The following CSMD2 variants were observed in gnomAD, a reference collection of about 807,000 sequenced individuals.
CSMD2 encodes CUB and Sushi multiple domains 2, also known as CUB and sushi domain-containing protein 2.
Under a neutral mutation model 398.5 loss-of-function variants are expected in CSMD2, and 130 were observed. That is an observed-to-expected ratio of 0.33 (90% CI 0.28 to 0.38). The LOEUF is 0.38. Ranked by LOEUF, CSMD2 falls within the 10% of genes least tolerant of loss-of-function variation. CSMD2 has a pLI of 1.00. For synonymous variants in CSMD2, 1,828 were observed against 1,908.5 expected (o/e 0.96, Z 1.10); for missense variants, 3,829 against 4,764.9 (o/e 0.80, Z 5.78).
chr1:34,049,356 G>A (rs1449226542), intron 2 of CSMD2, among the ~76,000 whole-genome samples: 2 of 152,140 alleles, frequency 1.3e-5, no homozygotes, highest in Non-Finnish European at 2.9e-5. Flanking sequence ...TAACTCTGCT[G>A]CAGCTTCTAG....
chr1:33,531,920 A>C (rs1394768212), intron 64 of CSMD2, among the ~76,000 whole-genome samples: 1 of 152,224 alleles, frequency 6.6e-6, no homozygotes, highest in East Asian at 1.9e-4. Context: ...TATCATAAAC[A>C]TAACTAATGC....
intron 12 of CSMD2, among the ~76,000 whole-genome samples, chr1:33,773,819 G>A (rs954115438): frequency 1.4e-4 from 22 of 152,230 alleles, no homozygotes; most frequent in African/African-American, 5.3e-4. Context: ...GTCATCAGGG[G>A]AGTTTTTTGG....
intron 49 of CSMD2, among the ~76,000 whole-genome samples, chr1:33,576,079 T>C (rs974542554): frequency 6.6e-6 from 1 of 152,208 alleles, no homozygotes; most frequent in Non-Finnish European, 1.5e-5. Flanking sequence ...AGGCAATCAG[T>C]ATCGACAGCT....
chr1:33,781,708 T>C (rs982802427), intron 12 of CSMD2, among the ~76,000 whole-genome samples: 4 of 152,224 alleles, frequency 2.6e-5, no homozygotes, highest in African/African-American at 9.6e-5. Context: ...TAAAACTTGT[T>C]AGCAAGTTGT....
At chr1:33,736,488 A>C (rs1268693385) in intron 15 of CSMD2, among the ~76,000 whole-genome samples, 2 of 152,174 alleles carry the variant, frequency 1.3e-5, no homozygotes, top group African/African-American at 4.8e-5. Context: ...CAAAGAAAAA[A>C]AAAAAATAGT....
chr1:33,570,255 C>G (rs1659472100), intron 51 of CSMD2, among the ~76,000 whole-genome samples: 1 of 151,232 alleles, frequency 6.6e-6, no homozygotes, highest in African/African-American at 2.4e-5. Flanking sequence ...GCAACCTCTG[C>G]CTCCTAGGTT....
intron 4 of CSMD2, among the ~76,000 whole-genome samples, chr1:33,921,907 T>C (rs1020762984): frequency 2.0e-5 from 3 of 151,928 alleles, no homozygotes; most frequent in South Asian, 2.1e-4. Context: ...AGACAGAGAA[T>C]GGAGAAGAGG....
intron 3 of CSMD2, among the ~76,000 whole-genome samples, chr1:34,017,856 T>C (rs1648343829): frequency 6.6e-6 from 1 of 152,232 alleles, no homozygotes; most frequent in Admixed American, 6.5e-5. Flanking sequence ...TTTCCATTAA[T>C]AGAGCCATGT....
At chr1:33,664,685 C>A (rs1166112892) in intron 25 of CSMD2, among the ~76,000 whole-genome samples, 5 of 152,026 alleles carry the variant, frequency 3.3e-5, no homozygotes, top group African/African-American at 7.2e-5. Context: ...CGCCTGTAGT[C>A]CCAGCTACTT....
At chr1:33,977,800 TC>T (rs746037837) in intron 3 of CSMD2, among the ~76,000 whole-genome samples, 1 of 151,988 alleles carries the variant, frequency 6.6e-6, no homozygotes, top group Admixed American at 6.6e-5. Flanking sequence ...ATGTCCCCTC[TC>T]CCCAGCCTTC....
intron 5 of CSMD2, among the ~76,000 whole-genome samples, chr1:33,892,093 CA>C (rs954902100): frequency 3.6e-3 from 98 of 27,020 alleles, no homozygotes; most frequent in Middle Eastern, 0.031. Flanking sequence ...AAGACACCAT[CA>C]AAAAAAAAAT....
intron 5 of CSMD2, among the ~76,000 whole-genome samples, chr1:33,851,322 C>T (rs965812459): frequency 3.9e-5 from 6 of 152,186 alleles, no homozygotes; most frequent in African/African-American, 1.4e-4. Context: ...CTTCTGTCCT[C>T]CCAGAGCATC....
At chr1:33,810,946 A>C (rs1656798866) in intron 9 of CSMD2, 82 bp from the exon 10 acceptor site, 9 of 1,495,722 alleles carry the variant, frequency 6.0e-6, no homozygotes, top group Non-Finnish European at 8.3e-6. Flanking sequence ...CACCCAGAAG[A>C]CACTGCATCT....
rs184391615 is a variant in CSMD2 at position 33,854,850 on chromosome 1, C to T, written c.921-7854G>A. On this transcript the variant is annotated intron_variant, in intron 5 of 70. Transcript: ENST00000373381. Reference sequence around the variant, plus strand: ...GCTTGGAGTGCTGAGGAACAGGGAGCCTGGCTGTTGCCGGGATGAGGGCTT... The same window carrying T: ...GCTTGGAGTGCTGAGGAACAGGGAGTCTGGCTGTTGCCGGGATGAGGGCTT... 3.8e-3 allele frequency among the ~76,000 whole-genome samples: 585 copies of T among 152,264 alleles called. 4 individuals are homozygous for T. The highest frequency in any genetic ancestry group is 6.6e-3 in the Non-Finnish European group (447 of 68,018).
intron 13 of CSMD2, among the ~76,000 whole-genome samples, chr1:33,769,420 C>T (rs1650971346): frequency 6.6e-6 from 1 of 152,114 alleles, no homozygotes; most frequent in Non-Finnish European, 1.5e-5. Context: ...GAGCAGGGGT[C>T]CCGGGAGATG....
chr1:33,793,022 C>T (rs1654508715), intron 10 of CSMD2, among the ~76,000 whole-genome samples: 1 of 152,058 alleles, frequency 6.6e-6, no homozygotes, highest in Non-Finnish European at 1.5e-5. Flanking sequence ...CAAGATTCCC[C>T]CCTCTTGTTT....
At chr1:33,632,653 C>T (rs1642532007) in intron 32 of CSMD2, among the ~76,000 whole-genome samples, 1 of 152,012 alleles carries the variant, frequency 6.6e-6, no homozygotes. Context: ...GGTGATCAAA[C>T]TGACAAGATC....
At chr1:34,052,734 G>T (rs1321619692) in intron 2 of CSMD2, among the ~76,000 whole-genome samples, 1 of 152,094 alleles carries the variant, frequency 6.6e-6, no homozygotes, top group Non-Finnish European at 1.5e-5. Flanking sequence ...CTCAGTCCCT[G>T]GCTCAGTGCC....
intron 6 of CSMD2, among the ~76,000 whole-genome samples, chr1:33,835,736 G>T (rs1249476000): frequency 7.0e-6 from 1 of 141,920 alleles, no homozygotes; most frequent in African/African-American, 2.6e-5. Context: ...GGACTTCTCT[G>T]CATTGGTTAT....
Sources: allele counts gnomAD v4.1 joint callset (sites outside exome capture counted in the v4.1 genomes callset), GRCh38; gene constraint gnomAD v4.1.1; transcripts MANE v1.5; gene names NCBI Gene and HGNC (gene_info 2026-07-23, HGNC 2026-07-21).